ITGA11: variants seen among roughly 807,000 people sequenced by gnomAD.
ITGA11 encodes integrin alpha-11.
In ITGA11, 97 loss-of-function variants were observed where a neutral mutation model predicts 141.9. The ratio of observed to expected loss-of-function variants is 0.68; its 90% CI spans 0.58 to 0.81. The LOEUF (loss-of-function observed/expected upper bound fraction) is 0.81, where lower values mean the gene tolerates loss of function less well. Ranked by LOEUF, ITGA11 falls within the 30% of genes least tolerant of loss-of-function variation. The probability of loss-of-function intolerance (pLI) is 0.00; values close to 1 mark genes in which losing one functional copy is unlikely to be tolerated. For synonymous variants in ITGA11, 658 were observed against 624.6 expected (o/e 1.05, Z -0.80); for missense variants, 1,387 against 1,559.2 (o/e 0.89, Z 1.86).
intron 2 of ITGA11, among the ~76,000 whole-genome samples, chr15:68,385,836 C>T (rs1216368207): frequency 2.0e-5 from 3 of 152,102 alleles, no homozygotes; most frequent in Non-Finnish European, 4.4e-5. Flanking sequence ...GCCTCAGTGC[C>T]CCCATCTGTA....
chr15:68,432,162 C>G lies in ITGA11; in HGVS notation c.-96G>C. 2.3e-6 allele frequency: 2 copies of G among 864,542 alleles called. No homozygotes were observed. The highest frequency in any genetic ancestry group is 3.1e-6 in the Non-Finnish European group (2 of 645,132). 53.6% of individuals were successfully genotyped at this position (864,542 alleles called of 1,614,324 possible). Reference sequence around the variant, plus strand: ...CTCGGCGCGGCGCCTGCAGCCTGCACTGCGCGGGGCGCCGGGCTCCCTGAC... The same window carrying G: ...CTCGGCGCGGCGCCTGCAGCCTGCAGTGCGCGGGGCGCCGGGCTCCCTGAC... On this transcript the variant is annotated 5_prime_UTR_variant, in exon 1 of 30. Coordinates refer to ENST00000315757, the MANE Select transcript of ITGA11 (RefSeq NM_001004439.2).
At chr15:68,342,994 TTCTTCTCTCTC>T (rs1205071314) in intron 10 of ITGA11, among the ~76,000 whole-genome samples, 2 of 132,698 alleles carry the variant, frequency 1.5e-5, no homozygotes, top group Non-Finnish European at 3.2e-5. Context: ...CCTGGGCAAG[TTCTTCTCTCTC>T]TCTCTCTCTC....
At chr15:68,430,115 A>G (rs938657413) in intron 1 of ITGA11, among the ~76,000 whole-genome samples, 5 of 152,204 alleles carry the variant, frequency 3.3e-5, no homozygotes, top group Admixed American at 3.3e-4. Flanking sequence ...TGTTTAATGA[A>G]TCCCATATTT....
At position 68,305,590 on chromosome 15, in the gene ITGA11, C is replaced by A. The variant is rs1315777827; in HGVS notation, c.3382-1705G>T. Among the ~76,000 whole-genome samples the A allele has an allele frequency of 6.6e-6, 1 of 152,236 alleles. No individual in the cohort carries two copies. The highest frequency in any genetic ancestry group is 2.4e-5 in the African/African-American group (1 of 41,460). On this transcript the variant is annotated intron_variant, in intron 28 of 29. Transcript: ENST00000315757. This position sits in a 1 kb window ranked among gnomAD's most constrained non-coding sequence, Gnocchi z 4.6. ...TGAATGGACCACCTGCAACAGCAGACAGAGCCCTCCTTTGGCCACTGACTC... is the reference window on the plus strand; with the variant it reads ...TGAATGGACCACCTGCAACAGCAGAAAGAGCCCTCCTTTGGCCACTGACTC...
intron 21 of ITGA11, among the ~76,000 whole-genome samples, chr15:68,315,998 C>A (rs1012115527): frequency 3.9e-5 from 6 of 152,220 alleles, no homozygotes; most frequent in Non-Finnish European, 8.8e-5. Flanking sequence ...TCTTCCTCTT[C>A]TTTTGTTTTT....
intron 2 of ITGA11, 30 bp downstream of exon 2, chr15:68,402,888 G>A (rs1364140469): frequency 1.4e-6 from 2 of 1,477,432 alleles, no homozygotes; most frequent in Non-Finnish European, 9.4e-7. Context: ...AATGGTACAG[G>A]GCTGGGTGTG....
At chr15:68,332,191 T>C in intron 13 of ITGA11, 129 bp from the exon 14 acceptor site, 2 of 1,253,096 alleles carry the variant, frequency 1.6e-6, no homozygotes, top group East Asian at 2.5e-5. Context: ...TCTGGCTATA[T>C]GAACCCAGCC....
chr15:68,339,116 T>G (rs1263724303), intron 11 of ITGA11, among the ~76,000 whole-genome samples: 1 of 152,206 alleles, frequency 6.6e-6, no homozygotes, highest in East Asian at 1.9e-4. Context: ...TGAATGCAGG[T>G]TCCACTCGAC....
chr15:68,411,499 A>G (rs1896769536), intron 1 of ITGA11, among the ~76,000 whole-genome samples: 2 of 152,212 alleles, frequency 1.3e-5, no homozygotes, highest in African/African-American at 4.8e-5. Context: ...AGGGCTTAAA[A>G]GTCTGGATGA....
chr15:68,325,250 T>A lies in ITGA11; in HGVS notation c.2212-9A>T, dbSNP rs1372990506. 2 of 1,588,868 alleles carry A rather than the reference T, an allele frequency of 1.3e-6. No homozygotes were observed. The highest frequency in any genetic ancestry group is 2.7e-5 in the African/African-American group (2 of 73,766). On this transcript the variant is annotated splice_polypyrimidine_tract_variant and intron_variant, in intron 17 of 29. Transcript: ENST00000315757. The surrounding 1 kb of genome is among the most constrained non-coding windows in gnomAD (Gnocchi z 5.5). The stretch of plus-strand genomic sequence containing the variant: ...ACGTAGTCAGCAGTGTCCTGGGGGG[T>A]GGAGATGAGGGCAGCGGTGAGGGAG...
At chr15:68,330,282 T>G (rs1413662918) in intron 15 of ITGA11, among the ~76,000 whole-genome samples, 1 of 152,164 alleles carries the variant, frequency 6.6e-6, no homozygotes, top group Non-Finnish European at 1.5e-5. Flanking sequence ...TTTTTAAAGT[T>G]GTAGGCAAAT....
rs767627203 is a variant in ITGA11, at chr15:68,325,924, GGCGCCA to G, written c.2212-689_2212-684del. Reference sequence around the variant, plus strand: ...GGAGCTTGTTAAAACACAGGGTGCTGGCGCCAGCCCCAGCCCCAGCCCCAGAGTTTC... The same window carrying G: ...GGAGCTTGTTAAAACACAGGGTGCTGGCCCCAGCCCCAGCCCCAGAGTTTC... On this transcript the variant is annotated intron_variant, in intron 17 of 29. Transcript: ENST00000315757. The surrounding 1 kb of genome is among the most constrained non-coding windows in gnomAD (Gnocchi z 5.5). Among the ~76,000 whole-genome samples, 36 of 152,342 alleles carry G rather than the reference GGCGCCA, an allele frequency of 2.4e-4. No homozygotes were observed. Among genetic ancestry groups the G allele is most frequent in the Admixed American group, 1.1e-3 (17 of 15,304 alleles).
In ITGA11 at chr15:68,322,592, C is replaced by A. The variant is rs117058624; in HGVS notation, c.2323-1089G>T. 6.6e-6 allele frequency among the ~76,000 whole-genome samples: 1 copy of A among 151,944 alleles called. No homozygotes were observed. Among genetic ancestry groups the A allele is most frequent in the African/African-American group, 2.4e-5 (1 of 41,344 alleles). ...GTAATAAAAGCAGGGGTTGGCTGGG[C>A]GTGGTGGCTCACACCTGTAATCCTA... On this transcript the variant is annotated intron_variant, in intron 18 of 29. Transcript: ENST00000315757. This position sits in a 1 kb window ranked among gnomAD's most constrained non-coding sequence, Gnocchi z 5.6.
chr15:68,432,005 G>A lies in ITGA11; in HGVS notation c.52+10C>T. On this transcript the variant is annotated intron_variant, in intron 1 of 29. Transcript: ENST00000315757. ...CGAGAGGCAAGGGGAGGCAGAGGGT[G>A]GGCACCTACCTGGCCACAGGCTGAG... The A allele has an allele frequency of 4.6e-6, 6 of 1,309,168 alleles. No individual in the cohort carries two copies. Among genetic ancestry groups the A allele is most frequent in the Middle Eastern group, 2.1e-4 (1 of 4,848 alleles). The allele number at this position is 1,309,168 out of a possible 1,614,324, so 81.1% of individuals were successfully genotyped here. A position where few individuals can be genotyped will look rare whatever the true frequency, so the allele number is the denominator to read the frequency against.
intron 10 of ITGA11, among the ~76,000 whole-genome samples, chr15:68,343,041 G>C (rs1894624609): frequency 7.9e-6 from 1 of 126,800 alleles, no homozygotes; most frequent in Admixed American, 7.7e-5. Context: ...CTCTCTCTCT[G>C]AACCTTGAGT....
chr15:68,383,581 A>G (rs948914166), intron 2 of ITGA11, among the ~76,000 whole-genome samples: 1 of 152,206 alleles, frequency 6.6e-6, no homozygotes, highest in Non-Finnish European at 1.5e-5. Context: ...GGAAGCCTCA[A>G]TGGTTGACTA....
rs1403777804 is a variant in ITGA11, at chr15:68,332,420, G to T, written c.1484C>A (p.Thr495Asn). ...TSVDIDGDGV[T>N]DVLLVGAPMY... ...GGGTGCGCCCACCAGCAGGACATCA[G>T]TCACGCCGTCGCCGTCGATGTCCAC... Residue 495 changes from threonine (T) to asparagine (N), a missense_variant, in exon 13 of 30, where the codon ACT becomes AAT. Physicochemically the swap from Thr to Asn is moderately conservative, Grantham distance 65. Coordinates refer to ENST00000315757, the MANE Select transcript of ITGA11 (RefSeq NM_001004439.2). The T allele has an allele frequency of 1.2e-6, 2 of 1,611,230 alleles. No homozygotes were observed. Among genetic ancestry groups the T allele is most frequent in the Admixed American group, 3.3e-5 (2 of 59,712 alleles).
chr15:68,357,511 G>A (rs1191310238), intron 6 of ITGA11, among the ~76,000 whole-genome samples: 1 of 152,152 alleles, frequency 6.6e-6, no homozygotes, highest in East Asian at 1.9e-4. Context: ...GCACAAGAAG[G>A]GGTGCATATA....
rs1351766978 is a variant in ITGA11 at position 68,339,648 on chromosome 15, G to T, written c.1132-4C>A. The T allele has an allele frequency of 1.9e-6, 3 of 1,613,932 alleles. No homozygotes were observed. The highest frequency in any genetic ancestry group is 2.5e-6 in the Non-Finnish European group (3 of 1,179,878). ...CGGCTCCCAGCAGAACCCCATCCTG[G>T]CATTGGGGAGGGGACACACATCAGC... On this transcript the variant is annotated splice_polypyrimidine_tract_variant and splice_region_variant and intron_variant, in intron 10 of 29. Transcript: ENST00000315757.
Sources: gnomAD v4.1 joint callset for allele counts (sites outside exome capture counted in the v4.1 genomes callset) on GRCh38, gnomAD v4.1.1 for gene constraint, Gnocchi (gnomAD v3.1) non-coding constraint, MANE v1.5 for transcripts, NCBI Gene and HGNC (gene_info 2026-07-23, HGNC 2026-07-21) for gene names.